BTBD9: variants seen among roughly 807,000 people sequenced by gnomAD.
The protein encoded by BTBD9 is BTB domain containing 9.
BTBD9 carries 49 observed loss-of-function variants against 64.3 expected under a neutral mutation model. That is an observed-to-expected ratio of 0.76 (90% confidence interval 0.61 to 0.97). BTBD9 has a LOEUF of 0.97. Ranked by LOEUF, BTBD9 falls within the 50% of genes least tolerant of loss-of-function variation. BTBD9 has a pLI of 0.00. For missense variants in BTBD9, 598 were observed against 762.1 expected, an observed-to-expected ratio of 0.78 and a Z score of 2.53; for synonymous variants, 260 against 274.7, an observed-to-expected ratio of 0.95 and a Z score of 0.53.
rs1162848783 is a variant in BTBD9, at chr6:38,170,744, C to A, written c.*4241G>T. On this transcript the variant is annotated 3_prime_UTR_variant, in exon 11 of 11. Transcript: ENST00000481247. The stretch of plus-strand genomic sequence containing the variant: ...CACGGTGGCACAGAACCATGAACTG[C>A]ACTTTAAATTCCTAACTGAACTCCT... 6.6e-6 allele frequency: 1 copy of A among 152,172 alleles called. No individual in the cohort carries two copies. Among genetic ancestry groups the A allele is most frequent in the Non-Finnish European group, 1.5e-5 (1 of 68,038 alleles). The allele number at this position is 152,172 out of a possible 1,614,324, so 9.4% of individuals were successfully genotyped here.
chr6:38,318,748 G>A (rs1763120983), intron 7 of BTBD9, among the ~76,000 whole-genome samples: 1 of 152,168 alleles, frequency 6.6e-6, no homozygotes, highest in Non-Finnish European at 1.5e-5. Context: ...CTTGCCCAAG[G>A]ACCACTGTAA....
intron 6 of BTBD9, among the ~76,000 whole-genome samples, chr6:38,368,223 C>T (rs1765262547): frequency 6.6e-6 from 1 of 152,200 alleles, no homozygotes; most frequent in Non-Finnish European, 1.5e-5. Context: ...TGTATATCTG[C>T]ACTTTATACA....
intron 1 of BTBD9, among the ~76,000 whole-genome samples, chr6:38,601,216 C>T (rs553133263): frequency 4.9e-4 from 74 of 152,238 alleles, no homozygotes; most frequent in African/African-American, 1.8e-3. Flanking sequence ...CCATCCCTTG[C>T]TCAGGTGTAC....
chr6:38,308,892 G>A (rs1462688443), intron 7 of BTBD9, among the ~76,000 whole-genome samples: 1 of 151,760 alleles, frequency 6.6e-6, no homozygotes, highest in African/African-American at 2.4e-5. Context: ...CAAAGTGCTG[G>A]GATTACAGGC....
chr6:38,336,792 T>C (rs1010664534), intron 7 of BTBD9, among the ~76,000 whole-genome samples: 2 of 152,310 alleles, frequency 1.3e-5, no homozygotes, highest in Admixed American at 6.5e-5. Context: ...TCCCGATACA[T>C]GACTTATTTT....
intron 6 of BTBD9, among the ~76,000 whole-genome samples, chr6:38,395,740 C>T (rs370535306): frequency 3.3e-5 from 5 of 151,284 alleles, no homozygotes; most frequent in African/African-American, 9.7e-5. Context: ...GACAGAGTCT[C>T]GGTCTGTCGC....
At chr6:38,553,967 AAC>A (rs1327884466) in intron 6 of BTBD9, among the ~76,000 whole-genome samples, 1 of 152,214 alleles carries the variant, frequency 6.6e-6, no homozygotes, top group Non-Finnish European at 1.5e-5. Flanking sequence ...CATTAAACAA[AAC>A]ACACTATTTA....
At chr6:38,176,886 G>A (rs1423826123) in intron 10 of BTBD9, among the ~76,000 whole-genome samples, 1 of 152,220 alleles carries the variant, frequency 6.6e-6, no homozygotes, top group Non-Finnish European at 1.5e-5. Context: ...CCCAGGGATA[G>A]GTGAGGTCAG....
rs1414145581 is a variant in BTBD9 at position 38,303,866 on chromosome 6, T to C, written c.1265-15405A>G. 5.8e-5 allele frequency among the ~76,000 whole-genome samples: 7 copies of C among 121,226 alleles called. No homozygotes were observed. The South Asian group carries it at 1.6e-3, about 28-fold the overall frequency. The allele number at this position is 121,226 out of a possible 152,430, so 79.5% of individuals were successfully genotyped here. ...ATATATATATATATATATATATATATATATATATACACACACACACATGTG... is the reference window on the plus strand; with the variant it reads ...ATATATATATATATATATATATATACATATATATACACACACACACATGTG... On this transcript the variant is annotated intron_variant, in intron 7 of 10. Coordinates refer to ENST00000481247, the MANE Select transcript of BTBD9 (RefSeq NM_001099272.2).
chr6:38,393,510 TAA>T (rs145278111), intron 6 of BTBD9, among the ~76,000 whole-genome samples: 213 of 147,158 alleles, frequency 1.4e-3, no homozygotes, highest in African/African-American at 4.8e-3. Context: ...CTTGGTCTAA[TAA>T]AAAAAAAAAA....
At chr6:38,612,218 T>C (rs888148182) in intron 1 of BTBD9, among the ~76,000 whole-genome samples, 2 of 152,212 alleles carry the variant, frequency 1.3e-5, no homozygotes, top group African/African-American at 2.4e-5. Flanking sequence ...GTAGGACCTA[T>C]GAAAAGCAAG....
At chr6:38,440,216 G>C (rs1768965273) in intron 6 of BTBD9, among the ~76,000 whole-genome samples, 1 of 152,170 alleles carries the variant, frequency 6.6e-6, no homozygotes, top group African/African-American at 2.4e-5. Flanking sequence ...GTATAGAAAA[G>C]AAAAGAGGGT....
rs1766926847 is a variant in BTBD9, at chr6:38,174,862, A to C, written c.*123T>G. On this transcript the variant is annotated 3_prime_UTR_variant, in exon 11 of 11. Coordinates refer to ENST00000481247, the MANE Select transcript of BTBD9 (RefSeq NM_001099272.2). ...CTGTTCGGTGTCTGCTTTTGCAGCT[A>C]GGTCGGCTCCTCCCTGGAAAGGGGC... The C allele has an allele frequency of 8.9e-7, 1 of 1,125,588 alleles. No homozygotes were observed. Among genetic ancestry groups the C allele is most frequent in the African/African-American group, 1.6e-5 (1 of 64,364 alleles). The allele number at this position is 1,125,588 out of a possible 1,614,324, so 69.7% of individuals were successfully genotyped here. A position where few individuals can be genotyped will look rare whatever the true frequency, so the allele number is the denominator to read the frequency against.
At chr6:38,458,144 G>A (rs929254252) in intron 6 of BTBD9, among the ~76,000 whole-genome samples, 23 of 152,060 alleles carry the variant, frequency 1.5e-4, no homozygotes, top group African/African-American at 5.3e-4. Flanking sequence ...CCTATAACAC[G>A]ATTGGAAAAA....
intron 8 of BTBD9, among the ~76,000 whole-genome samples, chr6:38,263,242 C>T (rs1764854237): frequency 6.6e-6 from 1 of 152,184 alleles, no homozygotes; most frequent in South Asian, 2.1e-4. Context: ...TACTGAATAA[C>T]TACTCAGTAA....
chr6:38,353,812 C>T (rs1764616335), intron 6 of BTBD9, among the ~76,000 whole-genome samples: 2 of 152,098 alleles, frequency 1.3e-5, no homozygotes, highest in African/African-American at 4.8e-5. Flanking sequence ...AAAAGCAGAA[C>T]AAATTTAAAT....
At chr6:38,368,478 G>A (rs995352530) in intron 6 of BTBD9, among the ~76,000 whole-genome samples, 12 of 152,170 alleles carry the variant, frequency 7.9e-5, no homozygotes, top group African/African-American at 2.7e-4. Context: ...GGGATTATAG[G>A]TGCCTGCCAC....
chr6:38,489,383 C>T (rs1771596431), intron 6 of BTBD9, among the ~76,000 whole-genome samples: 1 of 152,160 alleles, frequency 6.6e-6, no homozygotes. Flanking sequence ...GGGAGGATCA[C>T]TTGAGCCCAG....
At chr6:38,472,580 G>A (rs1034130797) in intron 6 of BTBD9, among the ~76,000 whole-genome samples, 3 of 152,038 alleles carry the variant, frequency 2.0e-5, no homozygotes, top group African/African-American at 7.2e-5. Flanking sequence ...TATGTCAAAG[G>A]TAGCCTACAT....
Sources: allele counts gnomAD v4.1 joint callset (sites outside exome capture counted in the v4.1 genomes callset), GRCh38; gene constraint gnomAD v4.1.1; transcripts MANE v1.5; gene names NCBI Gene and HGNC (gene_info 2026-07-23, HGNC 2026-07-21).